Variants in RIMBP2 observed in about 807,000 individuals in gnomAD.
RIMBP2 encodes RIMS-binding protein 2.
Under a neutral mutation model 118.6 loss-of-function variants are expected in RIMBP2, and 48 were observed. The observed-to-expected ratio is 0.40, with a 90% CI of 0.32 to 0.51. The LOEUF is 0.51. Ranked by LOEUF, RIMBP2 falls within the 20% of genes least tolerant of loss-of-function variation. RIMBP2 has a pLI of 0.41. For missense variants in RIMBP2, 1,551 were observed against 1,768.3 expected (o/e 0.88, Z 2.20); for synonymous variants, 762 against 742.9 (o/e 1.03, Z -0.42).
intron 1 of RIMBP2, among the ~76,000 whole-genome samples, chr12:130,664,395 A>ACG (rs1348019841): frequency 2.6e-4 from 34 of 128,614 alleles, no homozygotes; most frequent in Non-Finnish European, 4.4e-4. Flanking sequence ...GCATGCACAC[A>ACG]CACGCACGCA....
chr12:130,587,272 G>A (rs1384048381), intron 2 of RIMBP2, among the ~76,000 whole-genome samples: 320 of 107,226 alleles, frequency 3.0e-3, no homozygotes, highest in Non-Finnish European at 4.6e-3. Flanking sequence ...TCAGTGTGGC[G>A]ATTCCTCAGG....
intron 2 of RIMBP2, among the ~76,000 whole-genome samples, chr12:130,596,736 T>C (rs928351365): frequency 2.6e-5 from 4 of 152,222 alleles, no homozygotes; most frequent in African/African-American, 9.6e-5. Flanking sequence ...CCCACTGATA[T>C]TCCTGTGCCA....
chr12:130,584,589 C>A (rs920301598), intron 2 of RIMBP2, among the ~76,000 whole-genome samples: 1 of 152,064 alleles, frequency 6.6e-6, no homozygotes, highest in African/African-American at 2.4e-5. Context: ...TACATCACCA[C>A]CATTACATCA....
intron 4 of RIMBP2, among the ~76,000 whole-genome samples, chr12:130,500,979 A>T (rs2049713645): frequency 6.6e-6 from 1 of 152,094 alleles, no homozygotes; most frequent in African/African-American, 2.4e-5. Flanking sequence ...GGGAACCCGG[A>T]GCTCTCCCAC....
At chr12:130,554,037 C>T (rs1207152945) in intron 2 of RIMBP2, among the ~76,000 whole-genome samples, 4 of 152,018 alleles carry the variant, frequency 2.6e-5, no homozygotes, top group African/African-American at 4.8e-5. Context: ...AACTGTGTTC[C>T]GAGTTTGGAG....
intron 2 of RIMBP2, among the ~76,000 whole-genome samples, chr12:130,519,500 G>T (rs145829754): frequency 6.6e-6 from 1 of 152,212 alleles, no homozygotes; most frequent in African/African-American, 2.4e-5. Flanking sequence ...GGTCTGGATG[G>T]CATAACATTT....
intron 2 of RIMBP2, among the ~76,000 whole-genome samples, chr12:130,538,598 T>C (rs2054281810): frequency 6.6e-6 from 1 of 151,828 alleles, no homozygotes; most frequent in South Asian, 2.1e-4. Flanking sequence ...CATGCCAGAG[T>C]CTGCACACTT....
Position 130,608,933 on chromosome 12 carries a change from G to C in RIMBP2, c.-217+19389C>G, listed in dbSNP as rs367718764. On this transcript the variant is annotated intron_variant, in intron 2 of 22. Coordinates refer to ENST00000690449, the MANE Select transcript of RIMBP2 (RefSeq NM_001393629.1). ...GTCCTTTAACCAGCATCTCCCCATG[G>C]CCCCCAGCACCCCAGCCTCTGGTAA... Among the ~76,000 whole-genome samples, 793 of 151,898 alleles carry C rather than the reference G, an allele frequency of 5.2e-3. 3 individuals are homozygous for C. Among genetic ancestry groups the C allele is most frequent in the African/African-American group, 0.018 (738 of 41,390 alleles).
At chr12:130,491,834 C>T (rs559336111) in intron 4 of RIMBP2, among the ~76,000 whole-genome samples, 13 of 152,366 alleles carry the variant, frequency 8.5e-5, no homozygotes, top group East Asian at 1.9e-4. Context: ...CTGTCTGAAA[C>T]GCTCTGCCTG....
chr12:130,455,894 C>T (rs939192282), intron 7 of RIMBP2, among the ~76,000 whole-genome samples: 1 of 152,068 alleles, frequency 6.6e-6, no homozygotes, highest in Non-Finnish European at 1.5e-5. Context: ...CATCTGTGAT[C>T]GCTCTGCCTG....
At chr12:130,432,331 T>C (rs984979252) in intron 14 of RIMBP2, 3 of 456,330 alleles carry the variant, frequency 6.6e-6, no homozygotes, top group African/African-American at 6.0e-5. Context: ...CCTGTATACA[T>C]AAAATAAGAG....
chr12:130,636,727 G>C (rs1171666751), intron 1 of RIMBP2, among the ~76,000 whole-genome samples: 1 of 152,186 alleles, frequency 6.6e-6, no homozygotes, highest in Non-Finnish European at 1.5e-5. Flanking sequence ...GTTTGGGTGT[G>C]GAGTCAGCAC....
intron 1 of RIMBP2, among the ~76,000 whole-genome samples, chr12:130,664,988 C>T (rs186899677): frequency 7.1e-4 from 107 of 151,720 alleles, no homozygotes; most frequent in Non-Finnish European, 1.1e-3. Context: ...GGACCAGAGC[C>T]GCCCTCAGCA....
In RIMBP2 at chr12:130,434,871, T is replaced by C; in HGVS notation, c.2116A>G (p.Arg706Gly). 6.2e-7 allele frequency: 1 copy of C among 1,605,314 alleles called. No homozygotes were observed. The highest frequency in any genetic ancestry group is 8.5e-7 in the Non-Finnish European group (1 of 1,175,852). ...CTGCTTCTCTCTAGGAAGACGCTCC[T>C]TTTCTCTAACTTGGAAAGAAAAAGG... ...RVAESSRLEK[R>G]SVFLERSSAG... The change falls in exon 14 of 23, where the codon AGG (arginine) becomes GGG (glycine). Residue 706 changes from arginine to glycine, a missense_variant. Transcript: ENST00000690449. The surrounding 1 kb of genome is among the most constrained non-coding windows in gnomAD (Gnocchi z 5.7).
chr12:130,625,939 G>A (rs2061594939), intron 2 of RIMBP2, among the ~76,000 whole-genome samples: 1 of 152,134 alleles, frequency 6.6e-6, no homozygotes, highest in South Asian at 2.1e-4. Context: ...CACACTCTTT[G>A]AAAGTGTTCT....
At chr12:130,407,531 T>TC (rs2075291245) in intron 20 of RIMBP2, among the ~76,000 whole-genome samples, 195 bp downstream of exon 20, 2 of 152,188 alleles carry the variant, frequency 1.3e-5, no homozygotes, top group Admixed American at 1.3e-4. Flanking sequence ...GCTGGCCATG[T>TC]CCCTGGGAAT....
chr12:130,679,858 G>A lies in RIMBP2; in HGVS notation c.-352+36364C>T, dbSNP rs183244247. ...GGGAAGGACCTGTGACTGTGACCAC[G>A]CAGAGAGTGTGTTCGCCCGCCACGG... On this transcript the variant is annotated intron_variant, in intron 1 of 22. Transcript: ENST00000690449. Among the ~76,000 whole-genome samples the A allele has an allele frequency of 3.8e-3, 582 of 152,326 alleles. 5 individuals are homozygous for A. The highest frequency in any genetic ancestry group is 0.013 in the African/African-American group (552 of 41,578).
chr12:130,559,351 A>G (rs1196032252), intron 2 of RIMBP2, among the ~76,000 whole-genome samples: 1 of 151,554 alleles, frequency 6.6e-6, no homozygotes, highest in African/African-American at 2.4e-5. Flanking sequence ...GGTAACCATC[A>G]TTCTCCTCTC....
intron 1 of RIMBP2, among the ~76,000 whole-genome samples, chr12:130,679,128 AG>A (rs1415625006): frequency 1.8e-4 from 27 of 152,266 alleles, no homozygotes; most frequent in African/African-American, 5.8e-4. Flanking sequence ...AAAAAAAAGA[AG>A]GGTTATAGAA....
Sources: gnomAD v4.1 joint callset for allele counts (sites outside exome capture counted in the v4.1 genomes callset) on GRCh38, gnomAD v4.1.1 for gene constraint, Gnocchi (gnomAD v3.1) non-coding constraint, MANE v1.5 for transcripts, NCBI Gene and HGNC (gene_info 2026-07-23, HGNC 2026-07-21) for gene names.